LURAP1: variants seen among roughly 807,000 people sequenced by gnomAD.
LURAP1 encodes NF-kappa-B activator C1orf190.
Under a neutral mutation model 19.0 loss-of-function variants are expected in LURAP1, and 14 were observed. The ratio of observed to expected loss-of-function variants is 0.74; its 90% confidence interval spans 0.49 to 1.15. The LOEUF is 1.15. Ranked by LOEUF, LURAP1 falls within the 50% of genes most tolerant of loss-of-function variation. The pLI is 0.00. For synonymous variants in LURAP1, 129 were observed against 131.8 expected (o/e 0.98, Z 0.14); for missense variants, 273 against 309.1 (o/e 0.88, Z 0.87).
intron 1 of LURAP1, among the ~76,000 whole-genome samples, chr1:46,207,832 C>T (rs1308504725): frequency 6.6e-6 from 1 of 151,896 alleles, no homozygotes; most frequent in Non-Finnish European, 1.5e-5. Context: ...GCCACTGCAC[C>T]TGGCCTGAAC....
Position 46,203,373 on chromosome 1 carries a change from C to CG in LURAP1, c.-51dup. On this transcript the variant is annotated 5_prime_UTR_variant, in exon 1 of 2. Transcript: ENST00000371980. The stretch of plus-strand genomic sequence containing the variant: ...TTAGCAGCGGCGAAGGGAGGACCCC[C>CG]GGGAGCCGGTCCCCGGCGTCCGGTC... 1 of 1,425,022 alleles carries CG rather than the reference C, an allele frequency of 7.0e-7. No individual in the cohort carries two copies. Among genetic ancestry groups the CG allele is most frequent in the Middle Eastern group, 2.6e-4 (1 of 3,796 alleles). 88.3% of individuals were successfully genotyped at this position (1,425,022 alleles called of 1,614,324 possible).
intron 1 of LURAP1, 32 bp from the exon 2 acceptor site, chr1:46,219,667 A>G (rs1225216676): frequency 6.5e-7 from 1 of 1,540,922 alleles, no homozygotes; most frequent in South Asian, 1.3e-5. Flanking sequence ...ATGCCCCAGA[A>G]CTGGGACTAA....
intron 1 of LURAP1, among the ~76,000 whole-genome samples, chr1:46,212,093 T>G (rs1487700378): frequency 6.6e-6 from 1 of 152,182 alleles, no homozygotes; most frequent in Non-Finnish European, 1.5e-5. Flanking sequence ...ATGGTCTTAC[T>G]CTGGTTTATC....
chr1:46,220,935 G>A lies in LURAP1; in HGVS notation c.*715G>A, dbSNP rs1422700481. 1 of 152,266 alleles carries A rather than the reference G, an allele frequency of 6.6e-6. No individual in the cohort carries two copies. Among genetic ancestry groups the A allele is most frequent in the African/African-American group, 2.4e-5 (1 of 41,462 alleles). The allele number at this position is 152,266 out of a possible 1,614,324, so 9.4% of individuals were successfully genotyped here. A position where few individuals can be genotyped will look rare whatever the true frequency, so the allele number is the denominator to read the frequency against. On this transcript the variant is annotated 3_prime_UTR_variant, in exon 2 of 2. Coordinates refer to ENST00000371980, the MANE Select transcript of LURAP1 (RefSeq NM_001013615.3). ...CTTGGCCAAGATGGAGGATTGAGGA[G>A]GGACATGGACCTTCAGGACTAACCC...
At chr1:46,214,248 A>G (rs1658991823) in intron 1 of LURAP1, among the ~76,000 whole-genome samples, 1 of 151,774 alleles carries the variant, frequency 6.6e-6, no homozygotes, top group African/African-American at 2.4e-5. Flanking sequence ...CAGAAGGTTG[A>G]GGCATGAGAA....
Position 46,220,413 on chromosome 1 carries a change from G to T in LURAP1, c.*193G>T. 1 of 595,524 alleles carries T rather than the reference G, an allele frequency of 1.7e-6. No homozygotes were observed. Among genetic ancestry groups the T allele is most frequent in the Non-Finnish European group, 2.9e-6 (1 of 348,352 alleles). The allele number at this position is 595,524 out of a possible 1,614,324, so 36.9% of individuals were successfully genotyped here. A position where few individuals can be genotyped will look rare whatever the true frequency, so the allele number is the denominator to read the frequency against. On this transcript the variant is annotated 3_prime_UTR_variant, in exon 2 of 2. Transcript: ENST00000371980. ...ATCCCTCAATTATTGGGTCCCTAGA[G>T]CTAGCTTGCTCTTTCTTTCTTTCTT... is the stretch of plus-strand genomic sequence containing the variant.
chr1:46,211,200 T>C (rs975979728), intron 1 of LURAP1, among the ~76,000 whole-genome samples: 1 of 152,140 alleles, frequency 6.6e-6, no homozygotes, highest in African/African-American at 2.4e-5. Context: ...CTGTTTAGAT[T>C]CTTATTGGCC....
At position 46,203,399 on chromosome 1, in the gene LURAP1, G is replaced by C; in HGVS notation, c.-28G>C. On this transcript the variant is annotated 5_prime_UTR_variant, in exon 1 of 2. Coordinates refer to ENST00000371980, the MANE Select transcript of LURAP1 (RefSeq NM_001013615.3). The stretch of plus-strand genomic sequence containing the variant: ...GGGAGCCGGTCCCCGGCGTCCGGTC[G>C]CCCAGCCCTTTTCAGGCTTGGGCCC... The C allele has an allele frequency of 7.7e-6, 11 of 1,437,556 alleles. No individual in the cohort carries two copies. The highest frequency in any genetic ancestry group is 1.0e-5 in the Non-Finnish European group (11 of 1,092,234). The allele number at this position is 1,437,556 out of a possible 1,614,324, so 89.1% of individuals were successfully genotyped here. A position where few individuals can be genotyped will look rare whatever the true frequency, so the allele number is the denominator to read the frequency against.
intron 1 of LURAP1, among the ~76,000 whole-genome samples, chr1:46,206,133 C>T (rs1291621423): frequency 6.6e-6 from 1 of 152,218 alleles, no homozygotes; most frequent in Non-Finnish European, 1.5e-5. Context: ...CAACCCACCT[C>T]CACAGAGGCA....
At chr1:46,217,037 T>G (rs1213981216) in intron 1 of LURAP1, among the ~76,000 whole-genome samples, 1 of 152,164 alleles carries the variant, frequency 6.6e-6, no homozygotes, top group Non-Finnish European at 1.5e-5. Context: ...TTACCTCTTA[T>G]GCCAACTTTC....
chr1:46,219,897 A>G lies in LURAP1; in HGVS notation c.397A>G (p.Thr133Ala). Residue 133 changes from threonine to alanine, a missense_variant, in exon 2 of 2, where the codon ACC (threonine) becomes GCC (alanine). Coordinates refer to ENST00000371980, the MANE Select transcript of LURAP1 (RefSeq NM_001013615.3). ...AGGCAGCTGGGACAGCCTGCCAGACACCAGCACCACCGACCGGCTGGACAG... is the reference window on the plus strand; with the variant it reads ...AGGCAGCTGGGACAGCCTGCCAGACGCCAGCACCACCGACCGGCTGGACAG... ...RRGSWDSLPD[T>A]STTDRLDSVS... 6.2e-7 allele frequency: 1 copy of G among 1,614,002 alleles called. No homozygotes were observed. The highest frequency in any genetic ancestry group is 8.5e-7 in the Non-Finnish European group (1 of 1,179,898).
intron 1 of LURAP1, among the ~76,000 whole-genome samples, chr1:46,205,537 T>A (rs1440149579): frequency 6.6e-6 from 1 of 152,216 alleles, no homozygotes; most frequent in African/African-American, 2.4e-5. Context: ...GATTCTGAAC[T>A]CACATAGGGA....
Position 46,203,589 on chromosome 1 carries a change from T to C in LURAP1, c.163T>C (p.Leu55=), listed in dbSNP as rs746239517. 6.3e-7 allele frequency: 1 copy of C among 1,588,928 alleles called. No homozygotes were observed. The highest frequency in any genetic ancestry group is 8.5e-7 in the Non-Finnish European group (1 of 1,169,838). The change falls in exon 1 of 2, where the codon TTG becomes CTG. Residue 55 remains leucine, a synonymous_variant. Transcript: ENST00000371980. ...AGGGGCGTCTAGCACCGGCCACGAC[T>C]TGGGGGACAAGATCATGGCGCTGAA... The part of the protein sequence containing the change: ...LPGASSTGHD[L]GDKIMALKME...
chr1:46,219,045 C>G (rs992868150), intron 1 of LURAP1, among the ~76,000 whole-genome samples: 6 of 152,080 alleles, frequency 3.9e-5, no homozygotes, highest in African/African-American at 1.4e-4. Context: ...GCCTGTAATT[C>G]CAGCACTTTG....
rs57919535 is a variant in LURAP1, at chr1:46,211,439, G to GCACACACA, written c.198+7850_198+7857dup. 5.2e-4 allele frequency among the ~76,000 whole-genome samples: 41 copies of GCACACACA among 78,928 alleles called. 1 individual carries two copies. The highest frequency in any genetic ancestry group is 1.2e-3 in the African/African-American group (35 of 28,762). 51.8% of individuals were successfully genotyped at this position (78,928 alleles called of 152,430 possible). A position where few individuals can be genotyped will look rare whatever the true frequency, so the allele number is the denominator to read the frequency against. ...TGAGCCAAAAACTGGATGAAAACCT[G>GCACACACA]CACACACACACACACACACACACAC... On this transcript the variant is annotated intron_variant, in intron 1 of 1. Coordinates refer to ENST00000371980, the MANE Select transcript of LURAP1 (RefSeq NM_001013615.3).
Position 46,219,701 on chromosome 1 carries a change from T to C in LURAP1, c.201T>C (p.Ala67=). The part of the protein sequence containing the change: ...DKIMALKMEL[A]YLRAIDVKIL... ...AATTCCTTCTCCCACTCCCCCAGGC[T>C]TACCTGCGAGCCATCGATGTGAAGA... Residue 67 remains alanine, a splice_region_variant and synonymous_variant, in exon 2 of 2, where the codon GCT becomes GCC. Coordinates refer to ENST00000371980, the MANE Select transcript of LURAP1 (RefSeq NM_001013615.3). The C allele has an allele frequency of 3.2e-6, 5 of 1,582,860 alleles. No individual in the cohort carries two copies. Among genetic ancestry groups the C allele is most frequent in the Non-Finnish European group, 4.3e-6 (5 of 1,163,194 alleles).
At chr1:46,205,910 C>T (rs774369849) in intron 1 of LURAP1, among the ~76,000 whole-genome samples, 4 of 152,228 alleles carry the variant, frequency 2.6e-5, no homozygotes, top group Admixed American at 6.5e-5. Context: ...AAGGACTGTC[C>T]TTCAATTGTT....
At position 46,203,380 on chromosome 1, in the gene LURAP1, C is replaced by T; in HGVS notation, c.-47C>T. 1.4e-6 allele frequency: 2 copies of T among 1,428,160 alleles called. No homozygotes were observed. The highest frequency in any genetic ancestry group is 9.2e-7 in the Non-Finnish European group (1 of 1,085,178). 88.5% of individuals were successfully genotyped at this position (1,428,160 alleles called of 1,614,324 possible). The stretch of plus-strand genomic sequence containing the variant: ...CGGCGAAGGGAGGACCCCCGGGAGC[C>T]GGTCCCCGGCGTCCGGTCGCCCAGC... On this transcript the variant is annotated 5_prime_UTR_variant, in exon 1 of 2. Transcript: ENST00000371980.
chr1:46,218,068 T>G (rs2148253941), intron 1 of LURAP1, among the ~76,000 whole-genome samples: 1 of 152,288 alleles, frequency 6.6e-6, no homozygotes, highest in South Asian at 2.1e-4. Context: ...CTTGTGGAAC[T>G]GTTTGCCTCT....
Sources: gnomAD v4.1 joint callset for allele counts (sites outside exome capture counted in the v4.1 genomes callset) on GRCh38, gnomAD v4.1.1 for gene constraint, MANE v1.5 for transcripts, NCBI Gene and HGNC (gene_info 2026-07-23, HGNC 2026-07-21) for gene names.